The following AVEN variants were observed in gnomAD, a reference collection of about 807,000 sequenced individuals.
AVEN encodes cell death regulator Aven.
AVEN carries 41 observed loss-of-function variants against 38.1 expected under a neutral mutation model. The observed-to-expected ratio is 1.08, with a 90% CI of 0.84 to 1.40. The LOEUF (loss-of-function observed/expected upper bound fraction) is 1.40, where lower values mean the gene tolerates loss of function less well. Ranked by LOEUF, AVEN falls within the 40% of genes most tolerant of loss-of-function variation. AVEN has a pLI of 0.00. For missense variants in AVEN, 605 were observed against 438.8 expected, an observed-to-expected ratio of 1.38 and a Z score of -3.38; for synonymous variants, 206 against 171.8, an observed-to-expected ratio of 1.20 and a Z score of -1.56.
chr15:33,871,693 GCCT>G (rs1890957658), intron 3 of AVEN, among the ~76,000 whole-genome samples: 1 of 151,004 alleles, frequency 6.6e-6, no homozygotes, highest in Admixed American at 6.6e-5. Context: ...CAGACTGCTG[GCCT>G]CAGAAGAGGA....
chr15:33,947,505 G>A (rs1894552802), intron 2 of AVEN, among the ~76,000 whole-genome samples: 1 of 152,198 alleles, frequency 6.6e-6, no homozygotes, highest in Non-Finnish European at 1.5e-5. Flanking sequence ...GGGGGCCAGG[G>A]AGGGAGAGGT....
At chr15:33,856,198 CTTTT>C (rs903147677), downstream of AVEN, 1 of 152,194 alleles carries the variant, frequency 6.6e-6, no homozygotes, top group Non-Finnish European at 1.5e-5. Context: ...AGTTCTTTCT[CTTTT>C]TTTTCCTAAA....
chr15:34,027,202 C>G (rs1268790434), intron 1 of AVEN, among the ~76,000 whole-genome samples: 1 of 151,958 alleles, frequency 6.6e-6, no homozygotes, highest in Non-Finnish European at 1.5e-5. Flanking sequence ...CATTCCCATT[C>G]CACTCTACTC....
At chr15:34,027,385 C>T (rs539591303) in intron 1 of AVEN, among the ~76,000 whole-genome samples, 2 of 151,890 alleles carry the variant, frequency 1.3e-5, no homozygotes, top group Non-Finnish European at 2.9e-5. Context: ...AAAAAACAGC[C>T]AGGCGTGTTG....
intron 2 of AVEN, among the ~76,000 whole-genome samples, chr15:33,906,330 C>T (rs1567407540): frequency 6.6e-6 from 1 of 152,224 alleles, no homozygotes; most frequent in South Asian, 2.1e-4. Context: ...GTTCAACCAC[C>T]TAGTTTTAGA....
chr15:33,962,770 T>TA (rs1183706705), intron 2 of AVEN, among the ~76,000 whole-genome samples: 17 of 152,146 alleles, frequency 1.1e-4, no homozygotes, highest in African/African-American at 3.9e-4. Context: ...AAAATGTGTA[T>TA]GTAGCCAGGC....
downstream of AVEN, chr15:33,864,914 G>T: frequency 4.0e-6 from 2 of 505,062 alleles, no homozygotes; most frequent in Non-Finnish European, 7.0e-6. Context: ...GGCAGAGGGG[G>T]ATTTTTCTCC....
At chr15:34,072,534 C>G (rs1597399494) in intron 1 of AVEN, among the ~76,000 whole-genome samples, 1 of 148,220 alleles carries the variant, frequency 6.7e-6, no homozygotes, top group Non-Finnish European at 1.5e-5. Flanking sequence ...CATTTGAACC[C>G]AGGAGGTGGA....
chr15:34,046,155 A>G (rs1177718784), intron 5 of AVEN, among the ~76,000 whole-genome samples: 5 of 152,178 alleles, frequency 3.3e-5, no homozygotes, highest in Non-Finnish European at 2.9e-5. Flanking sequence ...AACATAATCA[A>G]TGATTTAAGA....
chr15:33,995,529 T>C (rs1024765987), intron 2 of AVEN, among the ~76,000 whole-genome samples: 2 of 152,162 alleles, frequency 1.3e-5, no homozygotes, highest in East Asian at 1.9e-4. Flanking sequence ...CCCTCTTGGA[T>C]ACCAAGGGAA....
In AVEN at chr15:34,014,573, C is replaced by A. The variant is rs577425435; in HGVS notation, c.268-11364G>T. Among the ~76,000 whole-genome samples, 9 of 152,206 alleles carry A rather than the reference C, an allele frequency of 5.9e-5. No homozygotes were observed. The South Asian group carries it at 1.9e-3, about 32-fold the overall frequency. On this transcript the variant is annotated intron_variant, in intron 1 of 5. Transcript: ENST00000306730. ...GTCCCAAAGATGAACAGGTACAAAT[C>A]ACCAATAGTCACAAGACCTGTAAGG...
intron 2 of AVEN, among the ~76,000 whole-genome samples, chr15:33,967,355 A>C (rs1895430245): frequency 6.6e-6 from 1 of 152,142 alleles, no homozygotes; most frequent in Non-Finnish European, 1.5e-5. Flanking sequence ...ACTGGATATT[A>C]TATGACTCCA....
chr15:33,934,210 CA>C (rs34165431), intron 2 of AVEN, among the ~76,000 whole-genome samples: 82,852 of 141,484 alleles, frequency 0.59, 25,448 homozygotes, highest in East Asian at 0.75. Flanking sequence ...CCCATCTCTA[CA>C]AAAAAAAAAA....
chr15:34,002,022 C>G (rs1399582775), intron 2 of AVEN, among the ~76,000 whole-genome samples: 1 of 152,208 alleles, frequency 6.6e-6, no homozygotes, highest in Non-Finnish European at 1.5e-5. Flanking sequence ...GATTCACACA[C>G]AGTTATAAAG....
At chr15:33,933,491 T>TCACACACACACACACACACACACA (rs71974331) in intron 2 of AVEN, among the ~76,000 whole-genome samples, 29 of 68,292 alleles carry the variant, frequency 4.2e-4, no homozygotes, top group African/African-American at 2.2e-3. Flanking sequence ...CCTCCAACAA[T>TCACACACACACACACACACACACA]CACACACACA....
intron 4 of AVEN, chr15:34,064,495 C>A: frequency 1.4e-6 from 1 of 715,032 alleles, no homozygotes; most frequent in Non-Finnish European, 2.3e-6. Flanking sequence ...GCAGCAATTG[C>A]TGACATATTA....
chr15:34,009,662 G>A (rs1897552089), intron 1 of AVEN, among the ~76,000 whole-genome samples: 1 of 152,118 alleles, frequency 6.6e-6, no homozygotes, highest in African/African-American at 2.4e-5. Context: ...CAAGAAGGCT[G>A]TTACATAATA....
intron 2 of AVEN, 70 bp from the exon 3 acceptor site, chr15:33,876,065 G>A: frequency 6.9e-7 from 1 of 1,448,786 alleles, no homozygotes; most frequent in East Asian, 2.3e-5. Flanking sequence ...AAATTTCCCT[G>A]CTAGAGCAAA....
chr15:33,902,645 T>C (rs1892537409), intron 2 of AVEN, among the ~76,000 whole-genome samples: 1 of 152,216 alleles, frequency 6.6e-6, no homozygotes, highest in South Asian at 2.1e-4. Flanking sequence ...GACATGATTT[T>C]ATACGTAGAA....
Sources: allele counts gnomAD v4.1 joint callset (sites outside exome capture counted in the v4.1 genomes callset), GRCh38; gene constraint gnomAD v4.1.1; transcripts MANE v1.5; gene names NCBI Gene and HGNC (gene_info 2026-07-23, HGNC 2026-07-21).